The following ADGRB3 variants were observed in gnomAD, a reference collection of about 807,000 sequenced individuals.
ADGRB3 encodes the protein adhesion G protein-coupled receptor B3.
ADGRB3 carries 37 observed loss-of-function variants against 193.4 expected under a neutral mutation model. That is an observed-to-expected ratio of 0.19 (90% CI 0.15 to 0.25). The LOEUF is 0.25. Ranked by LOEUF, ADGRB3 falls within the 10% of genes least tolerant of loss-of-function variation. The pLI, the probability that ADGRB3 is intolerant of heterozygous loss-of-function variation, is 1.00. For missense variants in ADGRB3, 1,637 were observed against 1,852.9 expected (o/e 0.88, Z 2.14); for synonymous variants, 690 against 644.2 (o/e 1.07, Z -1.08).
intron 20 of ADGRB3, among the ~76,000 whole-genome samples, chr6:69,248,737 T>C (rs1766550332): frequency 6.6e-6 from 1 of 152,228 alleles, no homozygotes; most frequent in Non-Finnish European, 1.5e-5. Context: ...GACCTAGCCT[T>C]AGGCAATTTT....
At chr6:69,200,362 T>G (rs1048725309) in intron 17 of ADGRB3, among the ~76,000 whole-genome samples, 37 of 152,058 alleles carry the variant, frequency 2.4e-4, no homozygotes, top group Admixed American at 2.4e-3. Context: ...GAGAGAACAT[T>G]AAGGCTAAAT....
chr6:68,906,346 G>A (rs1766547994), intron 3 of ADGRB3, among the ~76,000 whole-genome samples: 1 of 151,704 alleles, frequency 6.6e-6, no homozygotes, highest in East Asian at 1.9e-4. Flanking sequence ...ATATATTGAA[G>A]GTATACCATG....
chr6:69,057,864 A>G (rs140595496), intron 15 of ADGRB3, among the ~76,000 whole-genome samples: 1 of 152,054 alleles, frequency 6.6e-6, no homozygotes, highest in East Asian at 1.9e-4. Context: ...TTGCATCAAT[A>G]TTTATTAAGG....
intron 3 of ADGRB3, among the ~76,000 whole-genome samples, chr6:68,862,224 CTT>C (rs1765176956): frequency 6.6e-6 from 1 of 151,088 alleles, no homozygotes; most frequent in Admixed American, 6.6e-5. Flanking sequence ...CAAACCTCCT[CTT>C]TTCCAAAATC....
chr6:69,352,335 A>G (rs1769243583), intron 26 of ADGRB3, among the ~76,000 whole-genome samples: 1 of 152,214 alleles, frequency 6.6e-6, no homozygotes, highest in African/African-American at 2.4e-5. Flanking sequence ...ATTTAGTTAT[A>G]AATATTTATT....
chr6:69,005,321 C>G (rs1043145969), intron 11 of ADGRB3, among the ~76,000 whole-genome samples: 2 of 151,402 alleles, frequency 1.3e-5, no homozygotes, highest in East Asian at 1.9e-4. Flanking sequence ...TCTGTTGCCT[C>G]TTGTTGGAGT....
chr6:68,941,196 C>T (rs1767632652), intron 5 of ADGRB3, among the ~76,000 whole-genome samples: 1 of 151,992 alleles, frequency 6.6e-6, no homozygotes, highest in Non-Finnish European at 1.5e-5. Flanking sequence ...AAATATATAA[C>T]AATTTGCCAT....
chr6:68,885,523 T>G, intron 3 of ADGRB3, among the ~76,000 whole-genome samples: 1 of 152,130 alleles, frequency 6.6e-6, no homozygotes, highest in East Asian at 1.9e-4. Flanking sequence ...AGTTTTGAAA[T>G]AGACAGTATA....
At chr6:68,835,468 T>C (rs1425914196) in intron 3 of ADGRB3, among the ~76,000 whole-genome samples, 1 of 152,140 alleles carries the variant, frequency 6.6e-6, no homozygotes, top group Non-Finnish European at 1.5e-5. Flanking sequence ...TAGAAAAAAA[T>C]TTATCCTAAA....
At position 68,643,278 on chromosome 6, in the gene ADGRB3, C is replaced by T. The variant is rs141836488; in HGVS notation, c.757+3846C>T. 9.2e-4 allele frequency among the ~76,000 whole-genome samples: 140 copies of T among 152,080 alleles called. No individual in the cohort carries two copies. The Middle Eastern group carries it at 0.01, about 11-fold the overall frequency. On this transcript the variant is annotated intron_variant, in intron 3 of 31. Coordinates refer to ENST00000370598, the MANE Select transcript of ADGRB3 (RefSeq NM_001704.3). The stretch of plus-strand genomic sequence containing the variant: ...CTGTGTAGACTTTAGTTCATGCCTG[C>T]GTGTGTATGTGTTGTCATTTTTAGG...
intron 3 of ADGRB3, among the ~76,000 whole-genome samples, chr6:68,843,557 GGATTGGAA>G (rs911177805): frequency 1.6e-4 from 25 of 151,958 alleles, no homozygotes; most frequent in African/African-American, 6.0e-4. Flanking sequence ...CCATGTTCAT[GGATTGGAA>G]GAATCGATAT....
chr6:68,825,158 A>G (rs562805776), intron 3 of ADGRB3, among the ~76,000 whole-genome samples: 20 of 152,206 alleles, frequency 1.3e-4, no homozygotes, highest in Admixed American at 7.9e-4. Context: ...TGCCCCGCCA[A>G]TCTGAGCCTC....
intron 10 of ADGRB3, among the ~76,000 whole-genome samples, chr6:68,981,367 T>G (rs1768904910): frequency 6.6e-6 from 1 of 151,690 alleles, no homozygotes; most frequent in African/African-American, 2.4e-5. Context: ...ATAGCTCATA[T>G]TTATTGAAGC....
At chr6:68,677,260 A>G (rs948828781) in intron 3 of ADGRB3, among the ~76,000 whole-genome samples, 6 of 152,134 alleles carry the variant, frequency 3.9e-5, no homozygotes, top group African/African-American at 7.2e-5. Flanking sequence ...TCTTTTCCTA[A>G]CTAGTAAAAG....
intron 3 of ADGRB3, among the ~76,000 whole-genome samples, chr6:68,751,557 T>C (rs973500509): frequency 1.3e-5 from 2 of 152,210 alleles, no homozygotes; most frequent in African/African-American, 4.8e-5. Context: ...TCTTAGCTAT[T>C]ATAATACATT....
At chr6:68,777,681 A>C (rs1319709589) in intron 3 of ADGRB3, among the ~76,000 whole-genome samples, 2 of 150,116 alleles carry the variant, frequency 1.3e-5, no homozygotes, top group African/African-American at 4.9e-5. Context: ...AAAAAAAAAA[A>C]AAAAAAACGA....
At chr6:69,247,330 G>T (rs752396726) in intron 20 of ADGRB3, among the ~76,000 whole-genome samples, 2 of 152,118 alleles carry the variant, frequency 1.3e-5, no homozygotes, top group Non-Finnish European at 2.9e-5. Context: ...AGATGCGGAT[G>T]AGTTATAAAA....
chr6:69,233,336 C>T lies in ADGRB3; in HGVS notation c.2527C>T (p.Leu843Phe). The part of the protein sequence containing the change: ...TWSTQGCKTV[L>F]TDASHTKCLC... ...GTCCACCCAGGGATGTAAAACTGTG[C>T]TTACCGATGCATCCCATACGAAATG... is the stretch of plus-strand genomic sequence containing the variant. The change falls in exon 18 of 32, where the codon CTT (leucine) becomes TTT (phenylalanine). Residue 843 changes from leucine (L) to phenylalanine (F), a missense_variant. Physicochemically the swap from Leu to Phe is conservative, Grantham distance 22. Coordinates refer to ENST00000370598, the MANE Select transcript of ADGRB3 (RefSeq NM_001704.3). 2 of 1,614,100 alleles carry T rather than the reference C, an allele frequency of 1.2e-6. No individual in the cohort carries two copies. The highest frequency in any genetic ancestry group is 1.3e-5 in the African/African-American group (1 of 75,038).
intron 18 of ADGRB3, among the ~76,000 whole-genome samples, chr6:69,233,767 G>T (rs1323695361): frequency 2.0e-5 from 3 of 152,152 alleles, no homozygotes; most frequent in African/African-American, 7.2e-5. Context: ...AGAGGGTATT[G>T]TTAGTAGTAG....
Sources: allele counts gnomAD v4.1 joint callset (sites outside exome capture counted in the v4.1 genomes callset), GRCh38; gene constraint gnomAD v4.1.1; transcripts MANE v1.5; gene names NCBI Gene and HGNC (gene_info 2026-07-23, HGNC 2026-07-21).